Variants in RBFOX3 observed in about 807,000 individuals in gnomAD.
RBFOX3 encodes the protein RNA binding protein fox-1 homolog 3.
Under a neutral mutation model 48.7 loss-of-function variants are expected in RBFOX3, and 17 were observed. That is an observed-to-expected ratio of 0.35 (90% confidence interval 0.24 to 0.52). The LOEUF (loss-of-function observed/expected upper bound fraction) is 0.52. RBFOX3 is among the 20% of genes least tolerant of loss of function. The probability of loss-of-function intolerance (pLI) is 0.94; values close to 1 mark genes in which losing one functional copy is unlikely to be tolerated. For synonymous variants in RBFOX3, 212 were observed against 209.5 expected (o/e 1.01, Z -0.10); for missense variants, 382 against 497.5 (o/e 0.77, Z 2.21).
intron 3 of RBFOX3, among the ~76,000 whole-genome samples, chr17:79,293,279 G>A (rs2073691337): frequency 2.0e-5 from 3 of 152,120 alleles, no homozygotes; most frequent in South Asian, 2.1e-4. Context: ...TTACTCATCT[G>A]CTGCTCACAT....
chr17:79,448,362 T>C (rs539877069), intron 2 of RBFOX3, among the ~76,000 whole-genome samples: 1 of 152,306 alleles, frequency 6.6e-6, no homozygotes, highest in African/African-American at 2.4e-5. Context: ...TGAGGGCCTT[T>C]GCAGACAAAT....
the RBFOX3 span, among the ~76,000 whole-genome samples, chr17:79,658,065 T>C: frequency 5.9e-5 from 9 of 152,232 alleles, no homozygotes; most frequent in South Asian, 1.7e-3. Flanking sequence ...TGAGTTTCAG[T>C]GGCCCCAACA....
At chr17:79,155,291 C>T (rs2045529179) in intron 4 of RBFOX3, among the ~76,000 whole-genome samples, 1 of 152,184 alleles carries the variant, frequency 6.6e-6, no homozygotes, top group Non-Finnish European at 1.5e-5. Flanking sequence ...GACAGTACCC[C>T]CAGCAATCAC....
intron 4 of RBFOX3, among the ~76,000 whole-genome samples, chr17:79,139,779 G>C (rs2041532975): frequency 6.6e-6 from 1 of 152,248 alleles, no homozygotes; most frequent in Non-Finnish European, 1.5e-5. Context: ...AGGAGTGGCT[G>C]TGCCCAGGGC....
intron 1 of RBFOX3, among the ~76,000 whole-genome samples, chr17:79,528,291 G>GGT (rs1363389673): frequency 7.9e-5 from 12 of 151,056 alleles, no homozygotes; most frequent in Non-Finnish European, 7.4e-5. Context: ...GAACCTCTGA[G>GGT]GTGTCTCTGA....
At chr17:79,417,300 CA>C (rs1390771507) in intron 2 of RBFOX3, among the ~76,000 whole-genome samples, 1 of 152,218 alleles carries the variant, frequency 6.6e-6, no homozygotes, top group Non-Finnish European at 1.5e-5. Flanking sequence ...CACTCCTGCT[CA>C]GGGGTGCCTC....
At position 79,094,420 on chromosome 17, in the gene RBFOX3, A is replaced by T. The variant is rs144391445; in HGVS notation, c.1077+31T>A. 8.2e-3 allele frequency: 12,142 copies of T among 1,473,648 alleles called. 80 individuals carry two copies. Among genetic ancestry groups the T allele is most frequent in the South Asian group, 0.02 (1,529 of 78,078 alleles). The allele number at this position is 1,473,648 out of a possible 1,614,324, so 91.3% of individuals were successfully genotyped here. On this transcript the variant is annotated intron_variant, in intron 14 of 14. Coordinates refer to ENST00000693108, the MANE Select transcript of RBFOX3 (RefSeq NM_001350451.2). ...CCCATGCCCAGCTGTTAGGACTGGC[A>T]CCCAGGGCTGGGCGGGCCTGGGCTC...
chr17:79,652,574 A>AAGGAGAGGAGAGGAG, the RBFOX3 span, among the ~76,000 whole-genome samples: 24 of 57,154 alleles, frequency 4.2e-4, 7 homozygotes, highest in African/African-American at 9.6e-4. Flanking sequence ...AAGGAAAGGA[A>AAGGAGAGGAGAGGAG]AGGAGAGGAG....
chr17:79,132,675 C>T (rs1051494359), intron 4 of RBFOX3: 3 of 152,260 alleles, frequency 2.0e-5, no homozygotes, highest in African/African-American at 7.2e-5. Context: ...CCTGACTCGC[C>T]CTTGAGCGGC....
chr17:79,594,418 T>TGTC (rs2093511668), intron 1 of RBFOX3, among the ~76,000 whole-genome samples: 1 of 152,194 alleles, frequency 6.6e-6, no homozygotes, highest in Non-Finnish European at 1.5e-5. Flanking sequence ...AATGGCTTGC[T>TGTC]GTCCCCAGAT....
At chr17:79,639,986 A>G in the RBFOX3 span, among the ~76,000 whole-genome samples, 1 of 152,220 alleles carries the variant, frequency 6.6e-6, no homozygotes, top group African/African-American at 2.4e-5. Context: ...GCTATTAGAC[A>G]AGAAAAAGAA....
At position 79,548,917 on chromosome 17, in the gene RBFOX3, T is replaced by C. The variant is rs138183321; in HGVS notation, c.-320+61909A>G. Among the ~76,000 whole-genome samples the C allele has an allele frequency of 2.7e-3, 405 of 152,386 alleles. 2 individuals are homozygous for C. Among genetic ancestry groups the C allele is most frequent in the African/African-American group, 9.2e-3 (381 of 41,590 alleles). ...GCCATCACTCCCTCGCTAGATACCATGGTAATTGTTGCAGTAACAAATCCA... is the reference window on the plus strand; with the variant it reads ...GCCATCACTCCCTCGCTAGATACCACGGTAATTGTTGCAGTAACAAATCCA... On this transcript the variant is annotated intron_variant, in intron 1 of 14. Coordinates refer to ENST00000693108, the MANE Select transcript of RBFOX3 (RefSeq NM_001350451.2).
intron 3 of RBFOX3, among the ~76,000 whole-genome samples, chr17:79,304,213 T>C (rs1286450994): frequency 6.6e-6 from 1 of 152,062 alleles, no homozygotes. Flanking sequence ...AGGGACTGGT[T>C]ATGGTTTTTC....
intron 2 of RBFOX3, among the ~76,000 whole-genome samples, chr17:79,321,625 C>T (rs959183050): frequency 7.3e-5 from 11 of 151,622 alleles, no homozygotes; most frequent in African/African-American, 2.7e-4. Flanking sequence ...GAGTCTTCAG[C>T]AGGCACAGAG....
chr17:79,103,083 A>G lies in RBFOX3; in HGVS notation c.507+79T>C. The G allele has an allele frequency of 9.3e-7, 1 of 1,071,976 alleles. No individual in the cohort carries two copies. The highest frequency in any genetic ancestry group is 1.4e-5 in the South Asian group (1 of 72,402). 66.4% of individuals were successfully genotyped at this position (1,071,976 alleles called of 1,614,324 possible). On this transcript the variant is annotated intron_variant, in intron 8 of 14. Transcript: ENST00000693108. The surrounding 1 kb of genome is among the most constrained non-coding windows in gnomAD (Gnocchi z 6.1). ...GCTCTCTGAAGGGTGCGGCAGTGGCAGGGCTGGTTGGTTGGGGGAGCTGGG... is the reference window on the plus strand; with the variant it reads ...GCTCTCTGAAGGGTGCGGCAGTGGCGGGGCTGGTTGGTTGGGGGAGCTGGG...
At chr17:79,280,833 T>C (rs1600391351) in intron 3 of RBFOX3, among the ~76,000 whole-genome samples, 1 of 69,698 alleles carries the variant, frequency 1.4e-5, no homozygotes, top group Admixed American at 1.9e-4. Flanking sequence ...AGGCAGGCTG[T>C]CCCATTGTGG....
chr17:79,570,158 AATAG>A (rs1255640372), intron 1 of RBFOX3, among the ~76,000 whole-genome samples: 7 of 147,150 alleles, frequency 4.8e-5, no homozygotes, highest in South Asian at 2.2e-4. Context: ...ACAGATGGAT[AATAG>A]ATGGATGGTA....
At chr17:79,375,870 C>T (rs1044262335) in intron 2 of RBFOX3, among the ~76,000 whole-genome samples, 1 of 152,234 alleles carries the variant, frequency 6.6e-6, no homozygotes, top group African/African-American at 2.4e-5. Context: ...CCCACACCAG[C>T]TGTGTGGCCT....
At position 79,109,773 on chromosome 17, in the gene RBFOX3, C is replaced by T. The variant is rs150479425; in HGVS notation, c.223-2985G>A. On this transcript the variant is annotated intron_variant, in intron 5 of 14. Coordinates refer to ENST00000693108, the MANE Select transcript of RBFOX3 (RefSeq NM_001350451.2). ...GCTCTGGCCTCTGAGCAGCAGAGGG[C>T]GATGGTGGGAACCAGCCCCGCGCCC... Among the ~76,000 whole-genome samples, 276 of 152,250 alleles carry T rather than the reference C, an allele frequency of 1.8e-3. 3 individuals are homozygous for T. Among genetic ancestry groups the T allele is most frequent in the Admixed American group, 0.017 (263 of 15,302 alleles).
Sources: allele counts gnomAD v4.1 joint callset (sites outside exome capture counted in the v4.1 genomes callset), GRCh38; gene constraint gnomAD v4.1.1; non-coding constraint Gnocchi (gnomAD v3.1); transcripts MANE v1.5; gene names NCBI Gene and HGNC (gene_info 2026-07-23, HGNC 2026-07-21).